Variants in RAPGEF4 observed in about 807,000 individuals in gnomAD.
RAPGEF4 encodes Rap guanine nucleotide exchange factor 4, also known as RAP guanine-nucleotide-exchange factor (GEF) 4.
RAPGEF4 carries 66 observed loss-of-function variants against 147.9 expected under a neutral mutation model. That is an observed-to-expected ratio of 0.45 (90% CI 0.37 to 0.55). The LOEUF (loss-of-function observed/expected upper bound fraction) is 0.55. Ranked by LOEUF, RAPGEF4 falls within the 20% of genes least tolerant of loss-of-function variation. RAPGEF4 has a pLI of 0.00. For missense variants in RAPGEF4, 1,071 were observed against 1,257.3 expected (o/e 0.85, Z 2.24); for synonymous variants, 419 against 442.7 (o/e 0.95, Z 0.67).
At position 173,020,771 on chromosome 2, in the gene RAPGEF4, GCCTAATT is replaced by G. The variant is rs1382215463; in HGVS notation, c.2253+57_2253+63del. ...TTGCAATCAGAAAAACTTGTCTGGA[GCCTAATT>G]TTGCAGTCACACTGAACCCAGTGGC... On this transcript the variant is annotated intron_variant, in intron 23 of 30. Coordinates refer to ENST00000397081, the MANE Select transcript of RAPGEF4 (RefSeq NM_007023.4). The G allele has an allele frequency of 2.8e-6, 4 of 1,413,376 alleles. No individual in the cohort carries two copies. The East Asian group carries it at 6.9e-5, about 25-fold the overall frequency. The allele number at this position is 1,413,376 out of a possible 1,614,324, so 87.6% of individuals were successfully genotyped here.
chr2:172,890,591 C>T (rs899936083), intron 4 of RAPGEF4, among the ~76,000 whole-genome samples: 10 of 152,200 alleles, frequency 6.6e-5, no homozygotes, highest in South Asian at 2.1e-4. Context: ...AACCAGGTTA[C>T]GTTTCTCTCC....
At chr2:172,841,593 A>C (rs1172992358) in intron 4 of RAPGEF4, among the ~76,000 whole-genome samples, 1 of 152,198 alleles carries the variant, frequency 6.6e-6, no homozygotes, top group East Asian at 1.9e-4. Context: ...CATTTTATGA[A>C]GTACTGATAC....
At chr2:173,022,577 T>A (rs1199476087) in intron 23 of RAPGEF4, among the ~76,000 whole-genome samples, 1 of 152,168 alleles carries the variant, frequency 6.6e-6, no homozygotes, top group Non-Finnish European at 1.5e-5. Flanking sequence ...CACTCTCTGA[T>A]CCATCCACAC....
At chr2:172,929,954 T>C (rs544287786) in intron 6 of RAPGEF4, among the ~76,000 whole-genome samples, 1 of 152,332 alleles carries the variant, frequency 6.6e-6, no homozygotes, top group Admixed American at 6.5e-5. Context: ...AATAGTAGCA[T>C]CTTGCCCAGG....
chr2:172,924,269 G>A (rs1209022255), intron 6 of RAPGEF4, among the ~76,000 whole-genome samples: 5 of 152,200 alleles, frequency 3.3e-5, no homozygotes, highest in African/African-American at 4.8e-5. Context: ...CTTTAGGTGG[G>A]ATCCCCCTGC....
intron 3 of RAPGEF4, among the ~76,000 whole-genome samples, chr2:172,811,767 C>T (rs1688047485): frequency 6.6e-6 from 1 of 152,170 alleles, no homozygotes; most frequent in Non-Finnish European, 1.5e-5. Context: ...TTCATCCTGT[C>T]CATTCTTAAT....
chr2:172,809,241 A>T (rs796681669), intron 3 of RAPGEF4, among the ~76,000 whole-genome samples: 2 of 152,118 alleles, frequency 1.3e-5, no homozygotes, highest in Non-Finnish European at 1.5e-5. Flanking sequence ...GGGTAGCATG[A>T]TGAGACTTGG....
At chr2:172,787,475 AG>A (rs1156673921) in intron 1 of RAPGEF4, among the ~76,000 whole-genome samples, 2 of 152,148 alleles carry the variant, frequency 1.3e-5, no homozygotes, top group African/African-American at 4.8e-5. Flanking sequence ...CATGAGAAGA[AG>A]AAAAAAACAA....
intron 8 of RAPGEF4, chr2:172,965,305 C>T (rs1689711858): frequency 4.1e-6 from 2 of 491,000 alleles, no homozygotes; most frequent in Non-Finnish European, 7.3e-6. Context: ...CCCCTGGTCT[C>T]CCCTGGTGCT....
intron 23 of RAPGEF4, 138 bp downstream of exon 23, chr2:173,020,853 G>C: frequency 1.6e-6 from 1 of 633,636 alleles, no homozygotes; most frequent in Non-Finnish European, 2.7e-6. Context: ...CAGTCTATTA[G>C]GTAAGCCTCA....
At chr2:172,996,657 G>A in intron 16 of RAPGEF4, 103 bp downstream of exon 16, 2 of 786,246 alleles carry the variant, frequency 2.5e-6, no homozygotes, top group Non-Finnish European at 4.1e-6. Flanking sequence ...AGTTTGGGAA[G>A]GGGATTCTGT....
At chr2:173,025,546 G>A (rs1000651203) in intron 23 of RAPGEF4, among the ~76,000 whole-genome samples, 4 of 152,140 alleles carry the variant, frequency 2.6e-5, no homozygotes, top group Non-Finnish European at 5.9e-5. Context: ...GGGTTTAAGC[G>A]ATTCTCCTGC....
intron 29 of RAPGEF4, among the ~76,000 whole-genome samples, chr2:173,037,919 A>C (rs1163733136): frequency 6.6e-6 from 1 of 152,216 alleles, no homozygotes; most frequent in African/African-American, 2.4e-5. Context: ...TCTTGAAATC[A>C]AGCTGGCACG....
In RAPGEF4 at chr2:172,902,360, C is replaced by T. The variant is rs553763735; in HGVS notation, c.445-15442C>T. On this transcript the variant is annotated intron_variant, in intron 4 of 30. Transcript: ENST00000397081. ...CACTCTCGCCCAGGCTGGAGTGCAA[C>T]GGCATGACCTCGGCTCACTGCAGCC... Among the ~76,000 whole-genome samples the T allele has an allele frequency of 5.9e-5, 9 of 152,034 alleles. No homozygotes were observed. In the South Asian group the frequency reaches 8.4e-4, roughly 14 times the overall value.
intron 4 of RAPGEF4, among the ~76,000 whole-genome samples, chr2:172,862,476 A>G (rs1024613498): frequency 1.3e-5 from 2 of 152,168 alleles, no homozygotes; most frequent in South Asian, 2.1e-4. Flanking sequence ...CTGTGTATCT[A>G]GCATGTTCTA....
At chr2:172,922,628 GAAAACTAGTTGT>G (rs1684884048) in intron 6 of RAPGEF4, among the ~76,000 whole-genome samples, 1 of 152,196 alleles carries the variant, frequency 6.6e-6, no homozygotes. Context: ...ATAGCATATA[GAAAACTAGTTGT>G]TTTTCCTTAG....
At chr2:173,024,551 G>A (rs1323970199) in intron 23 of RAPGEF4, among the ~76,000 whole-genome samples, 3 of 152,188 alleles carry the variant, frequency 2.0e-5, no homozygotes, top group Non-Finnish European at 4.4e-5. Context: ...ACTGATTTGG[G>A]GGAGGGGACC....
chr2:172,741,364 G>A (rs1694277674), intron 1 of RAPGEF4, among the ~76,000 whole-genome samples: 1 of 152,210 alleles, frequency 6.6e-6, no homozygotes. Flanking sequence ...AATGGGCCCA[G>A]GGCAAGATGG....
intron 1 of RAPGEF4, chr2:172,744,234 T>A: frequency 3.5e-6 from 1 of 286,840 alleles, no homozygotes; most frequent in Middle Eastern, 5.7e-4. Context: ...CTCCCCGTTT[T>A]CTGTTTCCAG....
Sources: allele counts gnomAD v4.1 joint callset (sites outside exome capture counted in the v4.1 genomes callset), GRCh38; gene constraint gnomAD v4.1.1; transcripts MANE v1.5; gene names NCBI Gene and HGNC (gene_info 2026-07-23, HGNC 2026-07-21).